SMARCD1: variants seen among roughly 807,000 people sequenced by gnomAD.
SMARCD1 encodes SWI/SNF related BAF chromatin remodeling complex subunit D1.
Under a neutral mutation model 70.8 loss-of-function variants are expected in SMARCD1, and 16 were observed. That is an observed-to-expected ratio of 0.23 (90% confidence interval 0.15 to 0.34). The LOEUF (loss-of-function observed/expected upper bound fraction) is 0.34. Ranked by LOEUF, SMARCD1 falls within the 10% of genes least tolerant of loss-of-function variation. The pLI is 1.00. For synonymous variants in SMARCD1, 249 were observed against 246.0 expected, an observed-to-expected ratio of 1.01 and a Z score of -0.11; for missense variants, 409 against 655.5, an observed-to-expected ratio of 0.62 and a Z score of 4.11.
Position 50,086,823 on chromosome 12 carries a change from A to T in SMARCD1, c.476A>T (p.Gln159Leu). The part of the protein sequence containing the change: ...DLLAFERKLD[Q>L]TIMRKRLDIQ... ...TTGGCTTTTGAAAGGAAACTGGACC[A>T]GACTATCATGAGGAAACGGCTAGAT... Residue 159 changes from glutamine (Q) to leucine (L), a missense_variant, in exon 4 of 13, where the codon CAG (glutamine) becomes CTG (leucine). By Grantham distance (113) the Gln-to-Leu change is moderately radical (BLOSUM62 -2). Transcript: ENST00000394963. The T allele has an allele frequency of 6.2e-7, 1 of 1,614,168 alleles. No homozygotes were observed. The highest frequency in any genetic ancestry group is 8.5e-7 in the Non-Finnish European group (1 of 1,179,992).
intron 5 of SMARCD1, 122 bp downstream of exon 5, chr12:50,087,607 G>C: frequency 8.5e-7 from 1 of 1,173,392 alleles, no homozygotes; most frequent in Non-Finnish European, 1.2e-6. Flanking sequence ...AGTAAGGAGA[G>C]GGACACTGTT....
chr12:50,085,760 C>T (rs1950782744), intron 1 of SMARCD1: 2 of 424,182 alleles, frequency 4.7e-6, no homozygotes. Flanking sequence ...CGGTAGAGAA[C>T]CTGGGTGGGT....
chr12:50,090,509 G>T lies in SMARCD1; in HGVS notation c.1052G>T (p.Arg351Leu). The T allele has an allele frequency of 1.2e-6, 2 of 1,614,014 alleles. No homozygotes were observed. The highest frequency in any genetic ancestry group is 1.6e-4 in the Middle Eastern group (1 of 6,062). The change falls in exon 9 of 13, where the codon CGT becomes CTT. Residue 351 changes from arginine to leucine, a missense_variant. Physicochemically the swap from Arg to Leu is moderately radical, Grantham distance 102. Around this residue, in one of 2 missense-constraint regions of SMARCD1, gnomAD observed 269 missense variants for 498.6 expected, o/e 0.54. Transcript: ENST00000394963. ...KYLQQIFESQ[R>L]MKFSEIPQRL... The stretch of plus-strand genomic sequence containing the variant: ...TTGCTACAGATCTTTGAGTCTCAAC[G>T]TATGAAGTTTTCAGAGATCCCTCAG...
At chr12:50,094,092 T>C (rs1950871017) in intron 9 of SMARCD1, among the ~76,000 whole-genome samples, 1 of 152,224 alleles carries the variant, frequency 6.6e-6, no homozygotes, top group African/African-American at 2.4e-5. Flanking sequence ...TATAGGAGAC[T>C]GTAGCAGTGA....
At chr12:50,086,016 G>A in intron 1 of SMARCD1, 145 bp from the exon 2 acceptor site, 1 of 534,194 alleles carries the variant, frequency 1.9e-6, no homozygotes, top group Non-Finnish European at 3.1e-6. Flanking sequence ...AGTCACTACT[G>A]GAGCAAAGGG....
chr12:50,086,469 T>C (rs1950791155), intron 2 of SMARCD1, 121 bp downstream of exon 2: 1 of 546,556 alleles, frequency 1.8e-6, no homozygotes, highest in South Asian at 3.9e-5. Flanking sequence ...GAACTCATCC[T>C]TGAGAATGCT....
At chr12:50,096,316 C>G (rs836172) in intron 10 of SMARCD1, among the ~76,000 whole-genome samples, 55,439 of 151,852 alleles carry the variant, frequency 0.37, 10,765 homozygotes, top group Middle Eastern at 0.46. Context: ...ATTGGAGAAA[C>G]GGTAGTGAGT....
intron 9 of SMARCD1, among the ~76,000 whole-genome samples, chr12:50,092,241 T>TTC (rs1365772765): frequency 3.6e-5 from 5 of 138,754 alleles, no homozygotes; most frequent in Admixed American, 1.4e-4. Context: ...CTTTCTTTTT[T>TTC]TTTTTTTTTT....
intron 6 of SMARCD1, chr12:50,089,506 T>C: frequency 5.7e-6 from 1 of 175,944 alleles, no homozygotes; most frequent in East Asian, 1.5e-4. Context: ...AAAATAAGTA[T>C]AATTGTGCCT....
chr12:50,093,689 G>A (rs1950867611), intron 9 of SMARCD1, among the ~76,000 whole-genome samples: 2 of 151,906 alleles, frequency 1.3e-5, no homozygotes, highest in Non-Finnish European at 2.9e-5. Context: ...TCTGTGTGGT[G>A]TAGGCTGGTC....
rs937337554 is a variant in SMARCD1 at position 50,094,681 on chromosome 12, G to C, written c.1269+109G>C. Reference sequence around the variant, plus strand: ...CAAAATACGGTGACACCCAGTATATGTCAGGTACTGTGCTTGGTGCTGGTT... The same window carrying C: ...CAAAATACGGTGACACCCAGTATATCTCAGGTACTGTGCTTGGTGCTGGTT... On this transcript the variant is annotated intron_variant, in intron 10 of 12. Transcript: ENST00000394963. 3.8e-6 allele frequency: 4 copies of C among 1,043,422 alleles called. No individual in the cohort carries two copies. In the African/African-American group the frequency reaches 4.8e-5, roughly 13 times the overall value. 64.6% of individuals were successfully genotyped at this position (1,043,422 alleles called of 1,614,324 possible).
At chr12:50,086,097 T>C in intron 1 of SMARCD1, 64 bp from the exon 2 acceptor site, 1 of 1,280,224 alleles carries the variant, frequency 7.8e-7, no homozygotes, top group Non-Finnish European at 1.0e-6. Context: ...GTTCCCTGCT[T>C]TTCTTTCTTG....
chr12:50,090,042 C>T, intron 7 of SMARCD1, 57 bp downstream of exon 7: 2 of 1,462,066 alleles, frequency 1.4e-6, no homozygotes, highest in Admixed American at 1.7e-5. Context: ...CGTCAGCAGT[C>T]TCACTTTAAA....
rs764217341 is a variant in SMARCD1, at chr12:50,090,479, C to CA, written c.1036-14_1036-13insA. The CA allele has an allele frequency of 6.2e-7, 1 of 1,613,662 alleles. No individual in the cohort carries two copies. The highest frequency in any genetic ancestry group is 8.5e-7 in the Non-Finnish European group (1 of 1,179,544). On this transcript the variant is annotated splice_polypyrimidine_tract_variant and intron_variant, in intron 8 of 12. Transcript: ENST00000394963. Reference sequence around the variant, plus strand: ...CTCAAACTGCTAACCTCGTGCTTCTCCCCTTTGCTACAGATCTTTGAGTCT... The same window carrying CA: ...CTCAAACTGCTAACCTCGTGCTTCTCACCCTTTGCTACAGATCTTTGAGTCT...
Position 50,094,575 on chromosome 12 carries a change from AG to A in SMARCD1, c.1269+7del, listed in dbSNP as rs1437206620. On this transcript the variant is annotated splice_donor_region_variant and intron_variant, in intron 10 of 12. Transcript: ENST00000394963. The stretch of plus-strand genomic sequence containing the variant: ...AGATTGCTACTCTAGACAACAAGGT[AG>A]GGGTCTGTGCCCTGGATAGTTGGGT... 1 of 1,614,034 alleles carries A rather than the reference AG, an allele frequency of 6.2e-7. No individual in the cohort carries two copies.
chr12:50,095,065 T>C (rs1345272359), intron 10 of SMARCD1, among the ~76,000 whole-genome samples: 2 of 152,230 alleles, frequency 1.3e-5, no homozygotes, highest in Admixed American at 6.5e-5. Flanking sequence ...CCCAAAGTAC[T>C]GGGATTACAG....
At chr12:50,098,393 G>C in intron 11 of SMARCD1, 3 of 342,762 alleles carry the variant, frequency 8.8e-6, no homozygotes, top group Non-Finnish European at 1.6e-5. Context: ...TGGTACCTCA[G>C]GCATTCCTTG....
intron 4 of SMARCD1, 122 bp from the exon 5 acceptor site, chr12:50,087,241 C>A: frequency 8.3e-7 from 1 of 1,203,438 alleles, no homozygotes; most frequent in Non-Finnish European, 1.2e-6. Context: ...ATCCACCCAC[C>A]CAAGGGACTG....
chr12:50,090,628 T>C (rs376674751), intron 9 of SMARCD1, 38 bp downstream of exon 9: 5 of 1,499,972 alleles, frequency 3.3e-6, no homozygotes, highest in African/African-American at 1.4e-5. Flanking sequence ...GTGCCGGAGC[T>C]GCCTTGTGCC....
Sources: allele counts gnomAD v4.1 joint callset (sites outside exome capture counted in the v4.1 genomes callset), GRCh38; gene constraint gnomAD v4.1.1; regional missense constraint gnomAD v4.1.1; transcripts MANE v1.5; gene names NCBI Gene and HGNC (gene_info 2026-07-23, HGNC 2026-07-21).